MRE11: variants seen among roughly 807,000 people sequenced by gnomAD.
The protein encoded by MRE11 is double-strand break repair protein MRE11.
Under a neutral mutation model 91.7 loss-of-function variants are expected in MRE11, and 62 were observed. The ratio of observed to expected loss-of-function variants is 0.68; its 90% confidence interval spans 0.55 to 0.84. The LOEUF is 0.84. Ranked by LOEUF, MRE11 falls within the 40% of genes least tolerant of loss-of-function variation. The pLI, the probability that MRE11 is intolerant of heterozygous loss-of-function variation, is 0.00. For synonymous variants in MRE11, 273 were observed against 271.4 expected, an observed-to-expected ratio of 1.01 and a Z score of -0.06; for missense variants, 796 against 852.9, an observed-to-expected ratio of 0.93 and a Z score of 0.83.
intron 14 of MRE11, among the ~76,000 whole-genome samples, chr11:94,447,860 T>A (rs1212099085): frequency 6.6e-6 from 1 of 151,492 alleles, no homozygotes; most frequent in African/African-American, 2.4e-5. Context: ...AAACAAAAAA[T>A]ATTTATATAT....
At chr11:94,472,571 C>T (rs1946745279) in intron 7 of MRE11, among the ~76,000 whole-genome samples, 2 of 152,062 alleles carry the variant, frequency 1.3e-5, no homozygotes, top group African/African-American at 4.8e-5. Flanking sequence ...ACAAGCAATG[C>T]AGGTTGAGTC....
chr11:94,480,456 T>C (rs1286851501), intron 4 of MRE11, among the ~76,000 whole-genome samples: 2 of 152,252 alleles, frequency 1.3e-5, no homozygotes, highest in African/African-American at 2.4e-5. Context: ...CACAATGTGT[T>C]TGAGCAGTTC....
intron 15 of MRE11, among the ~76,000 whole-genome samples, chr11:94,446,273 G>C (rs1032919146): frequency 1.3e-5 from 2 of 152,156 alleles, no homozygotes; most frequent in African/African-American, 2.4e-5. Flanking sequence ...CTGGCATGAT[G>C]ATGGGCCCCT....
intron 17 of MRE11, among the ~76,000 whole-genome samples, 170 bp downstream of exon 17, chr11:94,437,006 GA>G (rs1158555730): frequency 4.1e-5 from 6 of 147,700 alleles, no homozygotes; most frequent in Non-Finnish European, 7.5e-5. Flanking sequence ...GAGCAACCAA[GA>G]AAAAAAAAAT....
At chr11:94,439,236 G>T (rs1210727343) in intron 16 of MRE11, among the ~76,000 whole-genome samples, 1 of 151,948 alleles carries the variant, frequency 6.6e-6, no homozygotes, top group Admixed American at 6.6e-5. Flanking sequence ...GTCCCAAAGT[G>T]ATGACAAGTA....
chr11:94,456,782 T>C (rs1946258997), intron 13 of MRE11, among the ~76,000 whole-genome samples: 1 of 152,164 alleles, frequency 6.6e-6, no homozygotes, highest in Non-Finnish European at 1.5e-5. Context: ...CCCCTGAAGA[T>C]CCATTTTTAT....
intron 14 of MRE11, among the ~76,000 whole-genome samples, chr11:94,449,089 C>T (rs1048500234): frequency 1.3e-5 from 2 of 152,128 alleles, no homozygotes; most frequent in South Asian, 2.1e-4. Context: ...AGTTCTGGGT[C>T]TAAGAATAGC....
At chr11:94,434,349 T>C (rs1409195964) in intron 18 of MRE11, among the ~76,000 whole-genome samples, 1 of 152,132 alleles carries the variant, frequency 6.6e-6, no homozygotes, top group African/African-American at 2.4e-5. Flanking sequence ...CTCCAGGGGA[T>C]AGAGTGGGAT....
At chr11:94,448,694 A>T (rs932404925) in intron 14 of MRE11, among the ~76,000 whole-genome samples, 2 of 152,240 alleles carry the variant, frequency 1.3e-5, no homozygotes, top group East Asian at 3.9e-4. Flanking sequence ...ACACCTTAGG[A>T]CCAAGAACAT....
the MRE11 span, among the ~76,000 whole-genome samples, chr11:94,508,462 T>C: frequency 1.3e-5 from 2 of 152,138 alleles, no homozygotes; most frequent in Non-Finnish European, 2.9e-5. Flanking sequence ...GCGGTAGGAG[T>C]CAAAGTTCAT....
rs1489201293 is a variant in MRE11 at position 94,420,193 on chromosome 11, T to C, written c.2071-12A>G. ...TCATCATCATCATCCTGAAATGAGATACAAATGTTGTATTAGTGATTGTTC... is the reference window on the plus strand; with the variant it reads ...TCATCATCATCATCCTGAAATGAGACACAAATGTTGTATTAGTGATTGTTC... On this transcript the variant is annotated splice_polypyrimidine_tract_variant and intron_variant, in intron 19 of 19. Coordinates refer to ENST00000323929, the MANE Select transcript of MRE11 (RefSeq NM_005591.4). 1.3e-6 allele frequency: 2 copies of C among 1,584,238 alleles called. No homozygotes were observed. The highest frequency in any genetic ancestry group is 2.2e-5 in the East Asian group (1 of 44,526).
chr11:94,439,273 C>T lies in MRE11; in HGVS notation c.1868-2038G>A, dbSNP rs112425018. Among the ~76,000 whole-genome samples the T allele has an allele frequency of 4.6e-5, 7 of 152,038 alleles. 1 individual carries two copies. The highest frequency in any genetic ancestry group is 1.7e-4 in the African/African-American group (7 of 41,458). ...AGTTACTACTTCACAGGTATTCTGT[C>T]AGAGACTTAAAAAAAAACCCACCAA... On this transcript the variant is annotated intron_variant, in intron 16 of 19. Transcript: ENST00000323929.
At position 94,485,941 on chromosome 11, in the gene MRE11, G is replaced by C; in HGVS notation, c.297C>G (p.Val99=). Residue 99 remains valine, a synonymous_variant, in exon 4 of 20, where the codon GTC becomes GTG. Transcript: ENST00000323929. ...ATACTTACTTACTAAAACCAAAGTT[G>C]ACTGACTGATCACTGAGAATTTCAA... ...VQFEILSDQS[V]NFGFSKFPWV... is the part of the protein sequence containing the mutation. 6.2e-7 allele frequency: 1 copy of C among 1,612,858 alleles called. No individual in the cohort carries two copies. Among genetic ancestry groups the C allele is most frequent in the South Asian group, 1.1e-5 (1 of 91,012 alleles).
At chr11:94,422,763 G>C (rs188755085) in intron 19 of MRE11, among the ~76,000 whole-genome samples, 162 of 152,082 alleles carry the variant, frequency 1.1e-3, no homozygotes, top group African/African-American at 3.7e-3. Context: ...GCCCAGGCTG[G>C]AGTGCAATGG....
intron 9 of MRE11, 67 bp downstream of exon 9, chr11:94,470,404 T>C (rs1353002940): frequency 6.8e-7 from 1 of 1,461,024 alleles, no homozygotes; most frequent in Non-Finnish European, 9.6e-7. Flanking sequence ...TCTATTAAAT[T>C]ACTTAATTGA....
At chr11:94,452,244 A>G (rs1027904574) in intron 14 of MRE11, among the ~76,000 whole-genome samples, 2 of 152,068 alleles carry the variant, frequency 1.3e-5, no homozygotes, top group African/African-American at 2.4e-5. Context: ...CTCGAAAGAG[A>G]AAATGTGGCC....
chr11:94,476,222 G>A, intron 7 of MRE11, 67 bp downstream of exon 7: 1 of 981,690 alleles, frequency 1.0e-6, no homozygotes, highest in Non-Finnish European at 1.6e-6. Flanking sequence ...ACTAAAATAG[G>A]TAAGCTCAGA....
chr11:94,436,986 T>TA (rs1023459240), intron 17 of MRE11, among the ~76,000 whole-genome samples, 191 bp downstream of exon 17: 17 of 152,070 alleles, frequency 1.1e-4, no homozygotes, highest in African/African-American at 3.9e-4. Flanking sequence ...AACCATTATT[T>TA]AAAAAAAGAG....
intron 3 of MRE11, among the ~76,000 whole-genome samples, chr11:94,487,544 G>T (rs1416356781): frequency 6.6e-6 from 1 of 152,142 alleles, no homozygotes; most frequent in Non-Finnish European, 1.5e-5. Flanking sequence ...AAGAGACATG[G>T]CAACTAAATG....
Sources: allele counts gnomAD v4.1 joint callset (sites outside exome capture counted in the v4.1 genomes callset), GRCh38; gene constraint gnomAD v4.1.1; transcripts MANE v1.5; gene names NCBI Gene and HGNC (gene_info 2026-07-23, HGNC 2026-07-21).